The following FGF13 variants were observed in gnomAD, a reference collection of about 807,000 sequenced individuals.
FGF13 encodes fibroblast growth factor 13, also known as fibroblast growth factor homologous factor 2.
Under a neutral mutation model 19.5 loss-of-function variants are expected in FGF13, and 2 were observed. That is an observed-to-expected ratio of 0.10 (90% CI 0.04 to 0.32). The LOEUF (loss-of-function observed/expected upper bound fraction) is 0.32. Among genes scored for constraint, FGF13 ranks in the 10% least tolerant of loss-of-function variants. FGF13 has a pLI of 1.00. For missense variants in FGF13, 113 were observed against 192.7 expected, an observed-to-expected ratio of 0.59 and a Z score of 2.45; for synonymous variants, 72 against 76.9, an observed-to-expected ratio of 0.94 and a Z score of 0.33.
chrX:138,727,540 A>G (rs191449574), intron 1 of FGF13, among the ~76,000 whole-genome samples: 24 of 111,908 alleles, frequency 2.1e-4, no homozygotes, highest in African/African-American at 7.8e-4. Flanking sequence ...ACGATGAAAT[A>G]CAATGAGATG....
intron 1 of FGF13, among the ~76,000 whole-genome samples, chrX:139,032,170 C>T (rs185411531): frequency 5.8e-4 from 65 of 111,877 alleles, no homozygotes; most frequent in African/African-American, 2.0e-3. Context: ...TAAGCAGATG[C>T]TTTCCCCACT....
At chrX:138,674,124 A>G (rs762366818) in intron 3 of FGF13, among the ~76,000 whole-genome samples, 3 of 110,099 alleles carry the variant, frequency 2.7e-5, no homozygotes, top group Non-Finnish European at 5.7e-5. Context: ...GGAGAGGGAG[A>G]AGGAGGGAGA....
intron 1 of FGF13, among the ~76,000 whole-genome samples, chrX:138,990,061 T>C (rs1282880666): frequency 2.7e-5 from 3 of 112,113 alleles, no homozygotes; most frequent in African/African-American, 9.7e-5. Flanking sequence ...CTGAACAGTA[T>C]GTCTCAAGGC....
chrX:139,137,287 A>G (rs940529241), intron 1 of FGF13, among the ~76,000 whole-genome samples: 4 of 112,185 alleles, frequency 3.6e-5, no homozygotes, highest in African/African-American at 1.3e-4. Context: ...AGCAGCATAT[A>G]AGTAAAACAA....
intron 1 of FGF13, among the ~76,000 whole-genome samples, chrX:138,870,570 C>T (rs2091352445): frequency 8.9e-6 from 1 of 112,378 alleles, no homozygotes; most frequent in South Asian, 3.7e-4. Context: ...ACTATGTTAC[C>T]TTAAGACTGC....
intron 1 of FGF13, among the ~76,000 whole-genome samples, chrX:139,013,115 A>C (rs1372817039): frequency 9.0e-6 from 1 of 111,643 alleles, no homozygotes; most frequent in Non-Finnish European, 1.9e-5. Flanking sequence ...TGATGATCAA[A>C]GAAATGCAAA....
chrX:139,052,346 T>C (rs181096595), intron 1 of FGF13, among the ~76,000 whole-genome samples: 34 of 112,238 alleles, frequency 3.0e-4, no homozygotes, highest in African/African-American at 1.1e-3. Flanking sequence ...AGCCATTTAG[T>C]CCACCTCTAA....
chrX:139,010,831 C>CAAA (rs34458790), intron 1 of FGF13, among the ~76,000 whole-genome samples: 4 of 100,969 alleles, frequency 4.0e-5, no homozygotes, highest in African/African-American at 1.4e-4. Flanking sequence ...GAAATTGAAA[C>CAAA]AAAAAAAAAA....
intron 3 of FGF13, among the ~76,000 whole-genome samples, chrX:138,843,573 C>A (rs1176314895): frequency 9.0e-6 from 1 of 111,520 alleles, no homozygotes; most frequent in Non-Finnish European, 1.9e-5. Flanking sequence ...ATGACATTCT[C>A]CTGTCTTAGG....
intron 1 of FGF13, among the ~76,000 whole-genome samples, chrX:139,046,342 G>A (rs960935967): frequency 1.8e-5 from 2 of 111,394 alleles, no homozygotes; most frequent in Non-Finnish European, 3.8e-5. Context: ...CACCTTCCAC[G>A]ACGCCCCACC....
In FGF13 at chrX:139,015,105, A is replaced by G. The variant is rs142012525; in HGVS notation, c.-112-150455T>C. On this transcript the variant is annotated intron_variant, in intron 1 of 2. Coordinates refer to the FGF13 transcript ENST00000421460. ...ACCATATATGACCAACACATAGCTAATATTGTAATGAATGGGGAAAAAACT... is the reference window on the plus strand; with the variant it reads ...ACCATATATGACCAACACATAGCTAGTATTGTAATGAATGGGGAAAAAACT... Among the ~76,000 whole-genome samples the G allele has an allele frequency of 9.4e-3, 1,043 of 111,338 alleles. 11 individuals carry two copies. Among genetic ancestry groups the G allele is most frequent in the African/African-American group, 0.032 (969 of 30,722 alleles).
chrX:138,750,269 A>G (rs187994343), intron 3 of FGF13, among the ~76,000 whole-genome samples: 1 of 112,061 alleles, frequency 8.9e-6, no homozygotes, highest in Admixed American at 9.5e-5. Context: ...GGTGATTTAA[A>G]TAACTATGGT....
intron 3 of FGF13, among the ~76,000 whole-genome samples, chrX:138,833,952 A>C (rs2091092752): frequency 8.9e-6 from 1 of 111,907 alleles, no homozygotes; most frequent in African/African-American, 3.2e-5. Flanking sequence ...TTATGTGATG[A>C]ATCACATTTA....
At chrX:138,899,430 G>A (rs781380627) in intron 1 of FGF13, among the ~76,000 whole-genome samples, 3 of 111,354 alleles carry the variant, frequency 2.7e-5, no homozygotes, top group Non-Finnish European at 5.7e-5. Context: ...CAGGTGCTGG[G>A]TAAGGTCACT....
chrX:139,152,700 A>G (rs1449039916), intron 1 of FGF13, among the ~76,000 whole-genome samples: 1 of 111,355 alleles, frequency 9.0e-6, no homozygotes, highest in Non-Finnish European at 1.9e-5. Context: ...TTCAAAGTTT[A>G]CAAAGCTCTT....
At chrX:138,774,854 G>A (rs935602348) in intron 3 of FGF13, among the ~76,000 whole-genome samples, 2 of 112,470 alleles carry the variant, frequency 1.8e-5, no homozygotes, top group African/African-American at 6.5e-5. Context: ...CAAAATAGTT[G>A]ATTGTCAGCA....
rs1401043400 is a variant in FGF13, at chrX:138,621,348, C to G, written c.*11502G>C. On this transcript the variant is annotated 3_prime_UTR_variant, in exon 5 of 5. Coordinates refer to ENST00000315930, the MANE Select transcript of FGF13 (RefSeq NM_004114.5). ...GAAAACTGTAAAATTAAACAATACA[C>G]TCCTAAATAGCCAAAGAATCAAAGA... The G allele has an allele frequency of 9.0e-6, 1 of 111,037 alleles. No individual in the cohort carries two copies. Among genetic ancestry groups the G allele is most frequent in the African/African-American group, 3.3e-5 (1 of 30,552 alleles). 9.2% of individuals were successfully genotyped at this position (111,037 alleles called of 1,213,427 possible).
chrX:138,964,329 C>T (rs1282981792), intron 1 of FGF13, among the ~76,000 whole-genome samples: 4 of 111,668 alleles, frequency 3.6e-5, no homozygotes, highest in African/African-American at 1.3e-4. Flanking sequence ...ATCTGACCCC[C>T]CACTATTTTT....
chrX:138,644,177 G>A (rs981630592), intron 3 of FGF13, among the ~76,000 whole-genome samples: 1 of 112,097 alleles, frequency 8.9e-6, no homozygotes, highest in African/African-American at 3.2e-5. Flanking sequence ...CAAGACAAAG[G>A]TCCTTTCCTC....
Sources: gnomAD v4.1 joint callset for allele counts (sites outside exome capture counted in the v4.1 genomes callset) on GRCh38, gnomAD v4.1.1 for gene constraint, MANE v1.5 for transcripts, NCBI Gene and HGNC (gene_info 2026-07-23, HGNC 2026-07-21) for gene names.